DNM3: variants seen among roughly 807,000 people sequenced by gnomAD.
The protein encoded by DNM3 is dynamin 3, also known as dynamin-3.
A neutral mutation model predicts 101.6 loss-of-function variants in DNM3; 47 were observed. The observed-to-expected ratio is 0.46, with a 90% confidence interval of 0.37 to 0.59. The LOEUF is 0.59. Ranked by LOEUF, DNM3 falls within the 20% of genes least tolerant of loss-of-function variation. The pLI is 0.00. For missense variants in DNM3, 849 were observed against 1,085.7 expected (o/e 0.78, Z 3.06); for synonymous variants, 385 against 387.9 (o/e 0.99, Z 0.09).
At chr1:172,023,181 C>T (rs1396556760) in intron 4 of DNM3, among the ~76,000 whole-genome samples, 9 of 152,100 alleles carry the variant, frequency 5.9e-5, no homozygotes, top group Non-Finnish European at 1.2e-4. Flanking sequence ...TCTGTTCTCT[C>T]ATTCCCATAG....
chr1:172,117,322 T>C (rs2055983145), intron 13 of DNM3, among the ~76,000 whole-genome samples: 1 of 152,304 alleles, frequency 6.6e-6, no homozygotes, highest in African/African-American at 2.4e-5. Context: ...TTGTGACTGA[T>C]ATGGTTTGAC....
At chr1:171,961,848 A>G (rs2043234080) in intron 2 of DNM3, among the ~76,000 whole-genome samples, 3 of 152,228 alleles carry the variant, frequency 2.0e-5, no homozygotes, top group Admixed American at 2.0e-4. Flanking sequence ...AGCCAGCCAC[A>G]AAAGGACAGT....
chr1:172,160,313 A>G (rs974311995), intron 14 of DNM3, among the ~76,000 whole-genome samples: 1 of 152,096 alleles, frequency 6.6e-6, no homozygotes, highest in Non-Finnish European at 1.5e-5. Context: ...AAACTTTCAA[A>G]TTTTTAAAAA....
At chr1:172,378,879 C>A in intron 17 of DNM3, 139 bp from the exon 18 acceptor site, 1 of 951,780 alleles carries the variant, frequency 1.1e-6, no homozygotes, top group Non-Finnish European at 1.5e-6. Context: ...CCAGTGGATG[C>A]ATAAGATAAA....
In DNM3 at chr1:172,408,245, A is replaced by G. The variant is rs2071028541; in HGVS notation, c.*404A>G. The G allele has an allele frequency of 2.3e-5, 23 of 999,646 alleles. 1 individual carries two copies. Among genetic ancestry groups the G allele is most frequent in the Non-Finnish European group, 2.7e-5 (23 of 838,226 alleles). 61.9% of individuals were successfully genotyped at this position (999,646 alleles called of 1,614,324 possible). ...AAGCCATACATATTTCTTTTCCCAC[A>G]TTCTGTTTAGGATGACAGTAATTCT... is the stretch of plus-strand genomic sequence containing the variant. On this transcript the variant is annotated 3_prime_UTR_variant, in exon 21 of 21. Transcript: ENST00000627582.
chr1:171,915,084 T>A (rs1175752892), intron 1 of DNM3, among the ~76,000 whole-genome samples: 2 of 152,248 alleles, frequency 1.3e-5, no homozygotes, highest in East Asian at 1.9e-4. Context: ...TTTACTGTTA[T>A]ATCTCCAGTG....
At chr1:171,971,659 C>G (rs538732880) in intron 2 of DNM3, among the ~76,000 whole-genome samples, 3 of 152,162 alleles carry the variant, frequency 2.0e-5, no homozygotes, top group African/African-American at 7.2e-5. Flanking sequence ...GCAAAATAGT[C>G]TGAATTCTGC....
At chr1:171,894,502 T>G (rs919811294) in intron 1 of DNM3, among the ~76,000 whole-genome samples, 3 of 152,094 alleles carry the variant, frequency 2.0e-5, no homozygotes, top group Non-Finnish European at 4.4e-5. Context: ...CTTCCCAGGT[T>G]GATGCAATTC....
intron 17 of DNM3, among the ~76,000 whole-genome samples, chr1:172,377,032 C>A (rs2068636640): frequency 6.6e-6 from 1 of 151,862 alleles, no homozygotes; most frequent in South Asian, 2.1e-4. Flanking sequence ...TTTCATATTC[C>A]TCGAGGTGAA....
chr1:172,134,301 A>T (rs1406781203), intron 14 of DNM3, among the ~76,000 whole-genome samples: 1 of 152,166 alleles, frequency 6.6e-6, no homozygotes, highest in Non-Finnish European at 1.5e-5. Flanking sequence ...TGAGACTGAA[A>T]GCTGGCCTTC....
intron 2 of DNM3, among the ~76,000 whole-genome samples, chr1:171,984,623 C>G (rs921452757): frequency 1.3e-5 from 2 of 152,182 alleles, no homozygotes; most frequent in African/African-American, 2.4e-5. Flanking sequence ...TTTGCTATCC[C>G]CCTGCTATTT....
At chr1:172,344,012 C>T (rs1242483833) in intron 17 of DNM3, among the ~76,000 whole-genome samples, 1 of 152,156 alleles carries the variant, frequency 6.6e-6, no homozygotes, top group Non-Finnish European at 1.5e-5. Context: ...GCAGTCTTCT[C>T]ATCTTCTGTT....
chr1:172,185,997 A>G (rs1264873670), intron 14 of DNM3, among the ~76,000 whole-genome samples: 1 of 152,126 alleles, frequency 6.6e-6, no homozygotes. Flanking sequence ...CCTGCATGAT[A>G]AAACTCATTT....
chr1:172,295,738 A>G (rs181261347), intron 15 of DNM3, among the ~76,000 whole-genome samples: 99 of 152,304 alleles, frequency 6.5e-4, no homozygotes, highest in African/African-American at 2.3e-3. Flanking sequence ...TCATGGCAAG[A>G]TATAAACATG....
chr1:171,879,430 T>A (rs1046285770), intron 1 of DNM3, among the ~76,000 whole-genome samples: 2 of 152,236 alleles, frequency 1.3e-5, no homozygotes, highest in African/African-American at 4.8e-5. Flanking sequence ...TTTGAATGTT[T>A]GAAAGCATGA....
At chr1:172,152,031 C>A (rs1436533957) in intron 14 of DNM3, among the ~76,000 whole-genome samples, 1 of 152,052 alleles carries the variant, frequency 6.6e-6, no homozygotes, top group Non-Finnish European at 1.5e-5. Flanking sequence ...GTGTGCACCA[C>A]CATGCCTGGC....
At chr1:172,234,565 C>T (rs997481318) in intron 14 of DNM3, among the ~76,000 whole-genome samples, 7 of 152,072 alleles carry the variant, frequency 4.6e-5, no homozygotes, top group Non-Finnish European at 8.8e-5. Flanking sequence ...AAAAAGAGCC[C>T]ACATTGCCAA....
At chr1:172,036,149 T>TC (rs2125815555) in intron 6 of DNM3, among the ~76,000 whole-genome samples, 1 of 101,278 alleles carries the variant, frequency 9.9e-6, no homozygotes, top group Non-Finnish European at 1.9e-5. Context: ...AAGCTATCCC[T>TC]CCCCCCTCCC....
chr1:172,006,789 G>A (rs570256749), intron 4 of DNM3, among the ~76,000 whole-genome samples: 7 of 152,100 alleles, frequency 4.6e-5, no homozygotes, highest in Non-Finnish European at 1.0e-4. Context: ...TCTCCCTTGT[G>A]TCACTTGCCA....
Sources: allele counts gnomAD v4.1 joint callset (sites outside exome capture counted in the v4.1 genomes callset), GRCh38; gene constraint gnomAD v4.1.1; transcripts MANE v1.5; gene names NCBI Gene and HGNC (gene_info 2026-07-23, HGNC 2026-07-21).